HAS3: variants seen among roughly 807,000 people sequenced by gnomAD.
HAS3 encodes the protein hyaluronan synthase 3.
A neutral mutation model predicts 50.3 loss-of-function variants in HAS3; 27 were observed. That is an observed-to-expected ratio of 0.54 (90% CI 0.40 to 0.74). The LOEUF (loss-of-function observed/expected upper bound fraction) is 0.74. Among genes scored for constraint, HAS3 ranks in the 30% least tolerant of loss-of-function variants. The probability of loss-of-function intolerance (pLI) is 0.00; values close to 1 mark genes in which losing one functional copy is unlikely to be tolerated. For missense variants in HAS3, 517 were observed against 742.8 expected (o/e 0.70, Z 3.53); for synonymous variants, 339 against 310.9 (o/e 1.09, Z -0.95).
upstream of HAS3, among the ~76,000 whole-genome samples, chr16:69,103,096 C>T (rs978346447): frequency 1.3e-5 from 2 of 151,736 alleles, no homozygotes; most frequent in Non-Finnish European, 2.9e-5. Flanking sequence ...ATTTCACATA[C>T]AAAATCTGGA....
chr16:69,107,292 C>A lies in HAS3; in HGVS notation c.-1+1505C>A. 1 of 973,496 alleles carries A rather than the reference C, an allele frequency of 1.0e-6. No individual in the cohort carries two copies. Among genetic ancestry groups the A allele is most frequent in the East Asian group, 1.1e-4 (1 of 8,748 alleles). The allele number at this position is 973,496 out of a possible 1,614,324, so 60.3% of individuals were successfully genotyped here. A position where few individuals can be genotyped will look rare whatever the true frequency, so the allele number is the denominator to read the frequency against. ...GTGGGGGTAGTAACCTGGGTAATGC[C>A]TCTAATTCCTGCGGGGGAGGGGTCC... On this transcript the variant is annotated intron_variant, in intron 1 of 3. Coordinates refer to ENST00000569188, the MANE Select transcript of HAS3 (RefSeq NM_001199280.2). The surrounding 1 kb of genome is among the most constrained non-coding windows in gnomAD (Gnocchi z 5.5).
In HAS3 at chr16:69,115,274, C is replaced by A; in HGVS notation, c.*8C>A. 6.6e-7 allele frequency: 1 copy of A among 1,512,658 alleles called. No homozygotes were observed. The allele number at this position is 1,512,658 out of a possible 1,614,324, so 93.7% of individuals were successfully genotyped here. A position where few individuals can be genotyped will look rare whatever the true frequency, so the allele number is the denominator to read the frequency against. On this transcript the variant is annotated 3_prime_UTR_variant, in exon 4 of 4. Coordinates refer to ENST00000569188, the MANE Select transcript of HAS3 (RefSeq NM_001199280.2). ...GCTTTTGCTGAGGTGTGACATGGCC[C>A]CCAAGCAGAGCGGGTAAAGTGCAAT... is the stretch of plus-strand genomic sequence containing the variant.
intron 2 of HAS3, 51 bp from the exon 3 acceptor site, chr16:69,113,388 CAG>C: frequency 8.7e-7 from 1 of 1,149,340 alleles, no homozygotes; most frequent in Non-Finnish European, 1.3e-6. Flanking sequence ...GGGTGGGGGA[CAG>C]GGTGTGCAGG....
Position 69,109,449 on chromosome 16 carries a change from C to T in HAS3, c.54C>T (p.Ala18=). The change falls in exon 2 of 4, where the codon GCC becomes GCT. Residue 18 remains alanine (A), a synonymous_variant. Transcript: ENST00000569188. The surrounding 1 kb of genome is among the most constrained non-coding windows in gnomAD (Gnocchi z 5.3). ...GTGTGGTGGGCACCAGCCTGTTTGCCCTGGCAGTGCTGGGTGGCATCCTGG... is the reference window on the plus strand; with the variant it reads ...GTGTGGTGGGCACCAGCCTGTTTGCTCTGGCAGTGCTGGGTGGCATCCTGG... ...ALRVVGTSLF[A]LAVLGGILAA... 6.2e-7 allele frequency: 1 copy of T among 1,613,206 alleles called. No individual in the cohort carries two copies. The highest frequency in any genetic ancestry group is 8.5e-7 in the Non-Finnish European group (1 of 1,179,940).
At chr16:69,092,646 A>T in the HAS3 span, among the ~76,000 whole-genome samples, 34 of 151,582 alleles carry the variant, frequency 2.2e-4, no homozygotes, top group African/African-American at 8.2e-4. Flanking sequence ...TTTAAATGGA[A>T]CACCTATGTC....
chr16:69,100,338 G>A, the HAS3 span, among the ~76,000 whole-genome samples: 1 of 152,108 alleles, frequency 6.6e-6, no homozygotes, highest in Non-Finnish European at 1.5e-5. Context: ...GGGCAGCTGC[G>A]GGAACATAAC....
rs975746312 is a variant in HAS3 at position 69,106,040 on chromosome 16, C to A, written c.-1+253C>A. 3.3e-5 allele frequency among the ~76,000 whole-genome samples: 5 copies of A among 152,154 alleles called. No homozygotes were observed. The highest frequency in any genetic ancestry group is 1.2e-4 in the African/African-American group (5 of 41,438). On this transcript the variant is annotated intron_variant, in intron 1 of 3. Transcript: ENST00000569188. This position sits in a 1 kb window ranked among gnomAD's most constrained non-coding sequence, Gnocchi z 5.5. The stretch of plus-strand genomic sequence containing the variant: ...CTTGCGAGCCGGAGCCGCGTCCACC[C>A]GGGACTAGGCGTCCCCGCCGAGCGC...
upstream of HAS3, among the ~76,000 whole-genome samples, chr16:69,105,031 G>A (rs1401391080): frequency 1.0e-5 from 1 of 96,100 alleles, no homozygotes; most frequent in Admixed American, 1.4e-4. Context: ...TTTTGGAGAC[G>A]GAGTCTCGCT....
intron 2 of HAS3, among the ~76,000 whole-genome samples, chr16:69,110,968 G>C (rs1389492934): frequency 6.6e-6 from 1 of 152,114 alleles, no homozygotes; most frequent in Admixed American, 6.6e-5. Flanking sequence ...AGGAGCATCG[G>C]CAGGGGCGGG....
upstream of HAS3, among the ~76,000 whole-genome samples, chr16:69,104,898 G>T (rs1960745001): frequency 6.6e-6 from 1 of 151,138 alleles, no homozygotes; most frequent in African/African-American, 2.4e-5. Context: ...TTTATAGACT[G>T]CAGCTCAGGT....
chr16:69,093,739 A>T, the HAS3 span, among the ~76,000 whole-genome samples: 1 of 152,012 alleles, frequency 6.6e-6, no homozygotes, highest in Non-Finnish European at 1.5e-5. Context: ...CATGTTGGTC[A>T]GGCTGGTCTC....
chr16:69,085,830 T>C, the HAS3 span, among the ~76,000 whole-genome samples: 1 of 151,802 alleles, frequency 6.6e-6, no homozygotes, highest in Non-Finnish European at 1.5e-5. Context: ...CTGCCCAACT[T>C]GGCCTCCCAA....
At chr16:69,097,989 C>T in the HAS3 span, among the ~76,000 whole-genome samples, 18 of 152,196 alleles carry the variant, frequency 1.2e-4, no homozygotes, top group Admixed American at 1.2e-3. Context: ...AATCCTGGCC[C>T]TCCCACTTTA....
In HAS3 at chr16:69,115,728, C is replaced by T; in HGVS notation, c.*462C>T. On this transcript the variant is annotated 3_prime_UTR_variant, in exon 4 of 4. Coordinates refer to ENST00000569188, the MANE Select transcript of HAS3 (RefSeq NM_001199280.2). ...TGGGCCGGTTAGTGTATGTCACCCC[C>T]ACCCCACCCCTAAGTAGTCATCAAT... 2.0e-6 allele frequency: 2 copies of T among 987,986 alleles called. No homozygotes were observed. Among genetic ancestry groups the T allele is most frequent in the Non-Finnish European group, 2.4e-6 (2 of 831,766 alleles). The allele number at this position is 987,986 out of a possible 1,614,324, so 61.2% of individuals were successfully genotyped here.
chr16:69,106,592 G>T lies in HAS3; in HGVS notation c.-1+805G>T. 1 of 152,528 alleles carries T rather than the reference G, an allele frequency of 6.6e-6. No individual in the cohort carries two copies. The allele number at this position is 152,528 out of a possible 1,614,324, so 9.4% of individuals were successfully genotyped here. A position where few individuals can be genotyped will look rare whatever the true frequency, so the allele number is the denominator to read the frequency against. Reference sequence around the variant, plus strand: ...TCCAGCCTCGCCTCCCTCCTCCCCGGCGGCTCCTGTTTTGTGAATGAATTA... The same window carrying T: ...TCCAGCCTCGCCTCCCTCCTCCCCGTCGGCTCCTGTTTTGTGAATGAATTA... On this transcript the variant is annotated intron_variant, in intron 1 of 3. Transcript: ENST00000569188. The surrounding 1 kb of genome is among the most constrained non-coding windows in gnomAD (Gnocchi z 5.5).
chr16:69,113,604 G>C (rs1009597002), intron 3 of HAS3, 62 bp downstream of exon 3: 1 of 979,034 alleles, frequency 1.0e-6, no homozygotes, highest in South Asian at 1.5e-5. Context: ...AATCCAATTG[G>C]ATATGCCTGG....
At chr16:69,092,724 G>A in the HAS3 span, among the ~76,000 whole-genome samples, 4 of 152,080 alleles carry the variant, frequency 2.6e-5, no homozygotes, top group African/African-American at 9.7e-5. Flanking sequence ...CCTCAAGCCA[G>A]GCACGGTGGT....
chr16:69,096,995 A>G, the HAS3 span, among the ~76,000 whole-genome samples: 1 of 152,012 alleles, frequency 6.6e-6, no homozygotes, highest in East Asian at 1.9e-4. Context: ...CATCTCTACA[A>G]AAAAATACAA....
the HAS3 span, among the ~76,000 whole-genome samples, chr16:69,098,297 G>A: frequency 1.3e-5 from 2 of 152,072 alleles, no homozygotes; most frequent in African/African-American, 2.4e-5. Flanking sequence ...CGTGAACCCG[G>A]GAGGCAGAGT....
Sources: gnomAD v4.1 joint callset for allele counts (sites outside exome capture counted in the v4.1 genomes callset) on GRCh38, gnomAD v4.1.1 for gene constraint, Gnocchi (gnomAD v3.1) non-coding constraint, MANE v1.5 for transcripts, NCBI Gene and HGNC (gene_info 2026-07-23, HGNC 2026-07-21) for gene names.